Variants in AGFG1 observed in about 807,000 individuals in gnomAD.
AGFG1 encodes the protein arf-GAP domain and FG repeat-containing protein 1.
In AGFG1, 10 loss-of-function variants were observed where a neutral mutation model predicts 60.6. That is an observed-to-expected ratio of 0.16 (90% CI 0.10 to 0.28). The LOEUF is 0.28. Ranked by LOEUF, AGFG1 falls within the 10% of genes least tolerant of loss-of-function variation. The pLI is 1.00. For missense variants in AGFG1, 537 were observed against 676.5 expected (o/e 0.79, Z 2.29); for synonymous variants, 247 against 242.9 (o/e 1.02, Z -0.16).
chr2:227,475,650 C>G (rs1690260370), intron 1 of AGFG1, among the ~76,000 whole-genome samples: 1 of 152,194 alleles, frequency 6.6e-6, no homozygotes, highest in African/African-American at 2.4e-5. Flanking sequence ...GACAATGCTA[C>G]TAGCTTCGTG....
At position 227,536,182 on chromosome 2, in the gene AGFG1, C is replaced by T. The variant is rs561888250; in HGVS notation, c.1206-443C>T. Reference sequence around the variant, plus strand: ...TATCCCTCCCCCAGCCCCCCACCCCCGACAGGCCCCCAAGTGTGATGTTTC... The same window carrying T: ...TATCCCTCCCCCAGCCCCCCACCCCTGACAGGCCCCCAAGTGTGATGTTTC... On this transcript the variant is annotated intron_variant, in intron 8 of 12. Transcript: ENST00000310078. Among the ~76,000 whole-genome samples, 31 of 145,020 alleles carry T rather than the reference C, an allele frequency of 2.1e-4. No homozygotes were observed. The South Asian group carries it at 5.3e-3, about 25-fold the overall frequency.
At chr2:227,524,052 T>C (rs1298098228) in intron 4 of AGFG1, 127 bp downstream of exon 4, 1 of 965,998 alleles carries the variant, frequency 1.0e-6, no homozygotes, top group African/African-American at 1.6e-5. Flanking sequence ...AATGGTTTGT[T>C]ATACATTAAG....
At chr2:227,542,857 C>CAGGGATAGACTATTCAGGATA (rs1692532310) in intron 10 of AGFG1, among the ~76,000 whole-genome samples, 1 of 122,724 alleles carries the variant, frequency 8.1e-6, no homozygotes, top group African/African-American at 3.2e-5. Context: ...TTCAGGGATT[C>CAGGGATAGACTATTCAGGATA]AACTTCATCC....
At chr2:227,501,720 A>T (rs1192480956) in intron 2 of AGFG1, among the ~76,000 whole-genome samples, 1 of 151,900 alleles carries the variant, frequency 6.6e-6, no homozygotes, top group East Asian at 1.9e-4. Flanking sequence ...AGCAGCTGGG[A>T]CCATAGGCAT....
At chr2:227,531,054 A>C (rs1559190365) in intron 5 of AGFG1, 37 bp from the exon 6 acceptor site, 1 of 1,562,176 alleles carries the variant, frequency 6.4e-7, no homozygotes. Context: ...TATAGTTTTC[A>C]TATTCATTAA....
intron 4 of AGFG1, among the ~76,000 whole-genome samples, chr2:227,524,291 C>T (rs1409062205): frequency 1.3e-5 from 2 of 151,184 alleles, no homozygotes; most frequent in Non-Finnish European, 2.9e-5. Context: ...CTCTTTGATA[C>T]ACTTTTCTAG....
intron 10 of AGFG1, among the ~76,000 whole-genome samples, chr2:227,551,414 G>A (rs987977292): frequency 6.6e-6 from 1 of 152,050 alleles, no homozygotes; most frequent in African/African-American, 2.4e-5. Context: ...TCTGGCTGTA[G>A]TTACAAAGCT....
At chr2:227,530,904 C>G (rs949425445) in intron 5 of AGFG1, among the ~76,000 whole-genome samples, 187 bp from the exon 6 acceptor site, 1 of 152,036 alleles carries the variant, frequency 6.6e-6, no homozygotes, top group Non-Finnish European at 1.5e-5. Flanking sequence ...CTTGGTTACT[C>G]CTTAGTAAAT....
chr2:227,516,850 T>C (rs1315584907), intron 2 of AGFG1, among the ~76,000 whole-genome samples: 2 of 152,216 alleles, frequency 1.3e-5, no homozygotes, highest in Non-Finnish European at 2.9e-5. Context: ...GTCAATAGTT[T>C]CATGGCTTTG....
chr2:227,520,115 C>A, intron 3 of AGFG1, 52 bp downstream of exon 3: 2 of 1,104,584 alleles, frequency 1.8e-6, no homozygotes, highest in East Asian at 2.6e-5. Flanking sequence ...CACATATTAA[C>A]TATGGGTAAG....
intron 2 of AGFG1, among the ~76,000 whole-genome samples, chr2:227,495,137 G>A (rs553407854): frequency 7.9e-5 from 12 of 152,126 alleles, no homozygotes; most frequent in East Asian, 1.9e-4. Context: ...AAAATATTTC[G>A]CATTGGAGCA....
chr2:227,555,575 T>C lies in AGFG1; in HGVS notation c.*1080T>C, dbSNP rs555417404. ...CTTTCTTTTTTTGGGCAAACTGATA[T>C]TATCTATAGGATATTTGTTTATGTT... On this transcript the variant is annotated 3_prime_UTR_variant, in exon 13 of 13. Coordinates refer to ENST00000310078, the MANE Select transcript of AGFG1 (RefSeq NM_004504.5). The C allele has an allele frequency of 1.3e-4, 20 of 152,728 alleles. No homozygotes were observed. The highest frequency in any genetic ancestry group is 4.3e-4 in the African/African-American group (18 of 41,566). The allele number at this position is 152,728 out of a possible 1,614,324, so 9.5% of individuals were successfully genotyped here.
rs1691374335 is a variant in AGFG1 at position 227,507,891 on chromosome 2, G to T, written c.262-12057G>T. Among the ~76,000 whole-genome samples, 3 of 151,366 alleles carry T rather than the reference G, an allele frequency of 2.0e-5. No homozygotes were observed. In the South Asian group the frequency reaches 6.2e-4, roughly 31 times the overall value. ...TGATATGTTTCACTCAGTTATTCTT[G>T]CTGATGCCCAAATTTTCCCCTCTTT... On this transcript the variant is annotated intron_variant, in intron 2 of 12. Coordinates refer to ENST00000310078, the MANE Select transcript of AGFG1 (RefSeq NM_004504.5).
At chr2:227,538,210 C>T (rs1412032828) in intron 10 of AGFG1, among the ~76,000 whole-genome samples, 1 of 152,094 alleles carries the variant, frequency 6.6e-6, no homozygotes. Context: ...TGTACATTGC[C>T]TCATTTAATC....
rs1693048850 is a variant in AGFG1, at chr2:227,558,670, G to A, written c.*4175G>A. The A allele has an allele frequency of 1.3e-5, 2 of 152,172 alleles. No individual in the cohort carries two copies. Among genetic ancestry groups the A allele is most frequent in the South Asian group, 4.1e-4 (2 of 4,836 alleles). The allele number at this position is 152,172 out of a possible 1,614,324, so 9.4% of individuals were successfully genotyped here. On this transcript the variant is annotated 3_prime_UTR_variant, in exon 13 of 13. Coordinates refer to ENST00000310078, the MANE Select transcript of AGFG1 (RefSeq NM_004504.5). ...CTTTTCACGTGGTTGTTTGTGAACA[G>A]ATGAATATATAACCACGATGTAATC...
intron 2 of AGFG1, among the ~76,000 whole-genome samples, chr2:227,519,497 G>A (rs1691765506): frequency 6.6e-6 from 1 of 152,038 alleles, no homozygotes; most frequent in African/African-American, 2.4e-5. Context: ...CTAATAGTGT[G>A]TTTGCCTTAT....
Position 227,472,261 on chromosome 2 carries a change from G to T in AGFG1, c.-161G>T. ...CGTACCACAGCGCCCGGGCCGCGTCGAGCCCAGTACAGCCAAGCCGCTGCG... is the reference window on the plus strand; with the variant it reads ...CGTACCACAGCGCCCGGGCCGCGTCTAGCCCAGTACAGCCAAGCCGCTGCG... On this transcript the variant is annotated 5_prime_UTR_variant, in exon 1 of 13. Transcript: ENST00000310078. The T allele has an allele frequency of 3.8e-6, 1 of 262,442 alleles. No individual in the cohort carries two copies. Among genetic ancestry groups the T allele is most frequent in the South Asian group, 1.3e-4 (1 of 7,634 alleles). The allele number at this position is 262,442 out of a possible 1,614,324, so 16.3% of individuals were successfully genotyped here. A position where few individuals can be genotyped will look rare whatever the true frequency, so the allele number is the denominator to read the frequency against.
At chr2:227,539,053 TAAA>T (rs1692399723) in intron 10 of AGFG1, among the ~76,000 whole-genome samples, 1 of 152,226 alleles carries the variant, frequency 6.6e-6, no homozygotes, top group African/African-American at 2.4e-5. Context: ...AGCTGAAATA[TAAA>T]CAATACTTCG....
chr2:227,554,342 C>A, intron 12 of AGFG1, 94 bp from the exon 13 acceptor site: 2 of 1,046,990 alleles, frequency 1.9e-6, no homozygotes, highest in Non-Finnish European at 2.8e-6. Context: ...ACCAAAAAGT[C>A]TAATTAAAAA....
Sources: allele counts gnomAD v4.1 joint callset (sites outside exome capture counted in the v4.1 genomes callset), GRCh38; gene constraint gnomAD v4.1.1; transcripts MANE v1.5; gene names NCBI Gene and HGNC (gene_info 2026-07-23, HGNC 2026-07-21).